Variants in LOXHD1 observed in about 807,000 individuals in gnomAD.
LOXHD1 encodes the protein lipoxygenase homology domain-containing protein 1.
Under a neutral mutation model 248.2 loss-of-function variants are expected in LOXHD1, and 205 were observed. The ratio of observed to expected loss-of-function variants is 0.83; its 90% CI spans 0.74 to 0.93. The LOEUF is 0.93. LOXHD1 is among the 40% of genes least tolerant of loss of function. The pLI is 0.00. For synonymous variants in LOXHD1, 1,113 were observed against 1,162.8 expected, an observed-to-expected ratio of 0.96 and a Z score of 0.87; for missense variants, 2,930 against 2,971.6, an observed-to-expected ratio of 0.99 and a Z score of 0.33.
intron 16 of LOXHD1, among the ~76,000 whole-genome samples, chr18:46,567,162 T>C (rs151065737): frequency 2.0e-5 from 3 of 152,242 alleles, no homozygotes; most frequent in Non-Finnish European, 2.9e-5. Flanking sequence ...TGCTTTTATG[T>C]TTTTTCTTTT....
At chr18:46,507,251 TG>T (rs1568110385) in intron 36 of LOXHD1, among the ~76,000 whole-genome samples, 1 of 152,148 alleles carries the variant, frequency 6.6e-6, no homozygotes, top group Non-Finnish European at 1.5e-5. Flanking sequence ...AGAAGGAAGA[TG>T]GGAAGGCTCT....
At chr18:46,560,050 C>CCCA in intron 19 of LOXHD1, 33 bp downstream of exon 19, 1 of 1,125,788 alleles carries the variant, frequency 8.9e-7, no homozygotes, top group Non-Finnish European at 1.3e-6. Flanking sequence ...CTGGCCACTC[C>CCCA]CTCCCCACCC....
intron 36 of LOXHD1, among the ~76,000 whole-genome samples, chr18:46,507,073 C>G (rs2034620715): frequency 6.6e-6 from 1 of 152,308 alleles, no homozygotes. Flanking sequence ...GGAGCGTCAC[C>G]GCACTGCACT....
chr18:46,563,332 TAC>T (rs1250173335), intron 17 of LOXHD1, 107 bp from the exon 18 acceptor site: 1 of 1,139,126 alleles, frequency 8.8e-7, no homozygotes, highest in Non-Finnish European at 1.2e-6. Context: ...CCTGGCGCTT[TAC>T]AGTCATTCAC....
In LOXHD1 at chr18:46,623,911, CTGCT is replaced by C. The variant is rs1599057483; in HGVS notation, c.512-5625_512-5622del. On this transcript the variant is annotated intron_variant, in intron 4 of 40. Coordinates refer to ENST00000642948, the MANE Select transcript of LOXHD1 (RefSeq NM_001384474.1). ...TGCATGCACAGCGGAGCTGGTGAGG[CTGCT>C]TGCCACATTCCCGACTACAGAAGTC... Among the ~76,000 whole-genome samples, 3 of 152,258 alleles carry C rather than the reference CTGCT, an allele frequency of 2.0e-5. No homozygotes were observed. In the East Asian group the frequency reaches 5.8e-4, roughly 29 times the overall value.
rs537799914 is a variant in LOXHD1, at chr18:46,586,096, C to T, written c.1654+5837G>A. Among the ~76,000 whole-genome samples the T allele has an allele frequency of 7.2e-5, 11 of 152,254 alleles. No homozygotes were observed. In the South Asian group the frequency reaches 2.3e-3, roughly 32 times the overall value. ...AAAGAACGGAGTACTGATAATGCTA[C>T]AATATGGATGAATCTTGAAAACATT... On this transcript the variant is annotated intron_variant, in intron 12 of 40. Transcript: ENST00000642948.
At chr18:46,617,801 T>A (rs2038610105) in intron 5 of LOXHD1, among the ~76,000 whole-genome samples, 1 of 152,156 alleles carries the variant, frequency 6.6e-6, no homozygotes, top group Non-Finnish European at 1.5e-5. Flanking sequence ...TGCCCCAAAC[T>A]ACTGCATTGA....
chr18:46,575,110 A>G (rs1295526506), intron 14 of LOXHD1, among the ~76,000 whole-genome samples: 1 of 152,086 alleles, frequency 6.6e-6, no homozygotes. Context: ...AACACATCCC[A>G]ACTAGACCTC....
Position 46,534,370 on chromosome 18 carries a change from G to A in LOXHD1, c.4177C>T (p.His1393Tyr). The change falls in exon 27 of 41, where the codon CAC (histidine) becomes TAC (tyrosine). Residue 1393 changes from histidine to tyrosine, a missense_variant. Physicochemically the swap from His to Tyr is moderately conservative, Grantham distance 83. Transcript: ENST00000642948. ...GGGAGGAGCCTGCGGATGTCCACGT[G>A]AGAGCAGTGCCACCCAGGATTCATG... ...TGMNPGWHCS[H>Y]VDIRRLLPDK... 1.3e-6 allele frequency: 2 copies of A among 1,551,684 alleles called. No homozygotes were observed. Among genetic ancestry groups the A allele is most frequent in the Non-Finnish European group, 1.7e-6 (2 of 1,146,968 alleles).
intron 26 of LOXHD1, among the ~76,000 whole-genome samples, chr18:46,537,857 T>C (rs1288457181): frequency 6.6e-6 from 1 of 152,140 alleles, no homozygotes. Flanking sequence ...TGTGGATAAG[T>C]GTCTATTGTT....
At chr18:46,533,404 T>A (rs1272335520) in intron 27 of LOXHD1, 80 bp from the exon 28 acceptor site, 1 of 1,482,090 alleles carries the variant, frequency 6.7e-7, no homozygotes, top group Non-Finnish European at 9.1e-7. Flanking sequence ...TCAATACTCA[T>A]GGAGACCAAG....
intron 5 of LOXHD1, among the ~76,000 whole-genome samples, chr18:46,615,229 G>A (rs1697836133): frequency 1.3e-5 from 2 of 152,208 alleles, no homozygotes; most frequent in Non-Finnish European, 2.9e-5. Context: ...CCAGCCCCAG[G>A]AAAGAGGCTA....
chr18:46,579,541 G>C lies in LOXHD1; in HGVS notation c.1809+89C>G, dbSNP rs2037922088. The C allele has an allele frequency of 2.6e-6, 4 of 1,514,032 alleles. No homozygotes were observed. In the South Asian group the frequency reaches 3.7e-5, roughly 14 times the overall value. 93.8% of individuals were successfully genotyped at this position (1,514,032 alleles called of 1,614,324 possible). On this transcript the variant is annotated intron_variant, in intron 13 of 40. Coordinates refer to ENST00000642948, the MANE Select transcript of LOXHD1 (RefSeq NM_001384474.1). ...GGCTGAGGCCCCAGGACCAGCATCA[G>C]CTCAACTTTAACAGGGCAGGGAAGA... is the stretch of plus-strand genomic sequence containing the variant.
At chr18:46,520,817 G>A (rs2035539179) in intron 33 of LOXHD1, 2 of 420,194 alleles carry the variant, frequency 4.8e-6, no homozygotes, top group Non-Finnish European at 8.7e-6. Flanking sequence ...CATGGAACAG[G>A]CCATGAGTAG....
intron 14 of LOXHD1, among the ~76,000 whole-genome samples, chr18:46,575,853 G>A (rs999484697): frequency 6.6e-6 from 1 of 152,170 alleles, no homozygotes; most frequent in African/African-American, 2.4e-5. Context: ...CCTGGGCCCT[G>A]TCCTATCCCC....
intron 34 of LOXHD1, among the ~76,000 whole-genome samples, chr18:46,516,815 TCATCATCATCATCCCTACCATCATCAA>T (rs1286642470): frequency 6.6e-6 from 1 of 151,148 alleles, no homozygotes; most frequent in East Asian, 1.9e-4. Context: ...ACCACCACCA[TCATCATCATCATCCCTACCATCATCAA>T]CATCATCATC....
At chr18:46,616,483 C>T (rs539187336) in intron 5 of LOXHD1, among the ~76,000 whole-genome samples, 146 of 152,278 alleles carry the variant, frequency 9.6e-4, no homozygotes, top group African/African-American at 2.7e-3. Flanking sequence ...TTTCTTCATG[C>T]GCTGATGTTA....
chr18:46,528,313 G>A (rs926518386), intron 29 of LOXHD1, among the ~76,000 whole-genome samples: 1 of 152,132 alleles, frequency 6.6e-6, no homozygotes, highest in African/African-American at 2.4e-5. Flanking sequence ...AGGAGGCTGA[G>A]GAGCAAGGGC....
At chr18:46,654,233 C>T (rs953604231) in intron 1 of LOXHD1, among the ~76,000 whole-genome samples, 1 of 152,228 alleles carries the variant, frequency 6.6e-6, no homozygotes, top group East Asian at 1.9e-4. Context: ...AAAATATGTT[C>T]TTTATAAATC....
Sources: allele counts gnomAD v4.1 joint callset (sites outside exome capture counted in the v4.1 genomes callset), GRCh38; gene constraint gnomAD v4.1.1; transcripts MANE v1.5; gene names NCBI Gene and HGNC (gene_info 2026-07-23, HGNC 2026-07-21).